The following HSP90AA1 variants were observed in gnomAD, a reference collection of about 807,000 sequenced individuals.
HSP90AA1 encodes heat shock protein 90 alpha family class A member 1, also known as heat shock protein HSP 90-alpha.
HSP90AA1 carries 18 observed loss-of-function variants against 73.3 expected under a neutral mutation model. The observed-to-expected ratio is 0.25, with a 90% CI of 0.17 to 0.36. The LOEUF is 0.36. Ranked by LOEUF, HSP90AA1 falls within the 10% of genes least tolerant of loss-of-function variation. The pLI is 1.00. For missense variants in HSP90AA1, 704 were observed against 874.2 expected (o/e 0.81, Z 2.45); for synonymous variants, 477 against 296.9 (o/e 1.61, Z -6.24).
chr14:102,081,494 AAACC>A lies in HSP90AA1; in HGVS notation c.*214_*217del, dbSNP rs1200061307. 1.7e-6 allele frequency: 1 copy of A among 593,912 alleles called. No individual in the cohort carries two copies. Among genetic ancestry groups the A allele is most frequent in the African/African-American group, 1.9e-5 (1 of 53,742 alleles). The allele number at this position is 593,912 out of a possible 1,614,324, so 36.8% of individuals were successfully genotyped here. ...GCACGTTACCCCAATCTGTGAAAAT[AAACC>A]AACATGAAACTCAAAAAGCATTACT... is the stretch of plus-strand genomic sequence containing the variant. On this transcript the variant is annotated 3_prime_UTR_variant, in exon 11 of 11. Transcript: ENST00000216281.
chr14:102,087,014 G>C lies in HSP90AA1; in HGVS notation c.-29C>G, dbSNP rs1002875871. ...GGCTAAGTGACCGCACAGGACCAAC[G>C]GCACAGCCACACCGGGACGCTGAAG... On this transcript the variant is annotated 5_prime_UTR_variant, in exon 1 of 11. Coordinates refer to ENST00000216281, the MANE Select transcript of HSP90AA1 (RefSeq NM_005348.4). 6 of 985,122 alleles carry C rather than the reference G, an allele frequency of 6.1e-6. No homozygotes were observed. The highest frequency in any genetic ancestry group is 7.2e-6 in the Non-Finnish European group (6 of 830,112). The allele number at this position is 985,122 out of a possible 1,614,324, so 61.0% of individuals were successfully genotyped here. A position where few individuals can be genotyped will look rare whatever the true frequency, so the allele number is the denominator to read the frequency against.
Position 102,138,576 on chromosome 14 carries a change from C to T in HSP90AA1, c.155+674G>A, listed in dbSNP as rs576080041. 1.1e-4 allele frequency among the ~76,000 whole-genome samples: 17 copies of T among 152,118 alleles called. 1 individual carries two copies. The highest frequency in any genetic ancestry group is 1.0e-3 in the Admixed American group (16 of 15,282). ...CAAATGTATTACTACATCATTGGCA[C>T]AGTTTCTATTGGTATCTACTTGCTT... On this transcript the variant is annotated intron_variant, in intron 1 of 11. Coordinates refer to the HSP90AA1 transcript ENST00000334701.
chr14:102,083,970 C>A lies in HSP90AA1; in HGVS notation c.1161G>T (p.Gly387=). 2 of 1,613,678 alleles carry A rather than the reference C, an allele frequency of 1.2e-6. No homozygotes were observed. The highest frequency in any genetic ancestry group is 1.7e-6 in the Non-Finnish European group (2 of 1,179,658). The change falls in exon 7 of 11, where the codon GGG becomes GGT. Residue 387 remains glycine, a synonymous_variant. Coordinates refer to ENST00000216281, the MANE Select transcript of HSP90AA1 (RefSeq NM_005348.4). ...GAGGGAGATCCTCCGAGTCTACCAC[C>A]CCTCTAATGAAGTCTGAAAAAAATA... ...LIPEYLNFIR[G]VVDSEDLPLN...
At chr14:102,131,582 G>A (rs187987305) in intron 1 of HSP90AA1, among the ~76,000 whole-genome samples, 6 of 152,226 alleles carry the variant, frequency 3.9e-5, no homozygotes, top group Non-Finnish European at 8.8e-5. Flanking sequence ...TTCCGCCTCG[G>A]GGTCTCTGCT....
intron 1 of HSP90AA1, among the ~76,000 whole-genome samples, chr14:102,134,809 A>G (rs2049962070): frequency 6.6e-6 from 1 of 152,218 alleles, no homozygotes; most frequent in South Asian, 2.1e-4. Context: ...CAAAGCTTCT[A>G]CAGTGCGGAA....
At chr14:102,137,556 C>T (rs2050022617) in intron 1 of HSP90AA1, among the ~76,000 whole-genome samples, 2 of 152,022 alleles carry the variant, frequency 1.3e-5, no homozygotes, top group South Asian at 4.2e-4. Flanking sequence ...AACTCCTGAC[C>T]TCGTGATCTG....
In HSP90AA1 at chr14:102,133,970, G is replaced by A. The variant is rs564799630; in HGVS notation, c.155+5280C>T. On this transcript the variant is annotated intron_variant, in intron 1 of 11. Coordinates refer to the HSP90AA1 transcript ENST00000334701. ...GTTTGGGACCTGCCTGGCCAACATG[G>A]TGAAACCACATCTCTACTAAAAATA... Among the ~76,000 whole-genome samples the A allele has an allele frequency of 3.9e-5, 6 of 152,022 alleles. No homozygotes were observed. In the South Asian group the frequency reaches 1.3e-3, roughly 32 times the overall value.
In HSP90AA1 at chr14:102,082,178, A is replaced by G. The variant is rs11547513; in HGVS notation, c.2022T>C (p.Ser674=). ...ILLYETALLS[S]GFSLEDPQTH... ...TCTGGGGATCTTCCAGACTGAAGCCAGAAGACAGGAGCGCAGTTTCATAAA... is the reference window on the plus strand; with the variant it reads ...TCTGGGGATCTTCCAGACTGAAGCCGGAAGACAGGAGCGCAGTTTCATAAA... Residue 674 remains serine (S), a synonymous_variant, in exon 10 of 11, where the codon TCT becomes TCC. Coordinates refer to ENST00000216281, the MANE Select transcript of HSP90AA1 (RefSeq NM_005348.4). 1.2e-6 allele frequency: 2 copies of G among 1,613,924 alleles called. No homozygotes were observed. The highest frequency in any genetic ancestry group is 1.7e-6 in the Non-Finnish European group (2 of 1,179,794).
At chr14:102,132,322 G>A (rs769011558) in intron 1 of HSP90AA1, among the ~76,000 whole-genome samples, 47 of 152,000 alleles carry the variant, frequency 3.1e-4, no homozygotes, top group Non-Finnish European at 5.0e-4. Flanking sequence ...AGTGGAGACC[G>A]TACCACTGCA....
Position 102,084,493 on chromosome 14 carries a change from C to T in HSP90AA1, c.1053G>A (p.Leu351=), listed in dbSNP as rs1307598079. 19 of 1,614,098 alleles carry T rather than the reference C, an allele frequency of 1.2e-5. No individual in the cohort carries two copies. The highest frequency in any genetic ancestry group is 2.2e-5 in the East Asian group (1 of 44,884). Residue 351 remains leucine, a synonymous_variant, in exon 6 of 11, where the codon CTG becomes CTA. Coordinates refer to ENST00000216281, the MANE Select transcript of HSP90AA1 (RefSeq NM_005348.4). ...TGTTCTTTTTCTTTCTGTTTTCAAA[C>T]AGATCAAAAGGAGCACGTCGTGGGA... ...LFVPRRAPFD[L]FENRKKKNNI...
rs1016749737 is a variant in HSP90AA1, at chr14:102,087,020, G to A, written c.-35C>T. ...GTGACCGCACAGGACCAACGGCACA[G>A]CCACACCGGGACGCTGAAGCAACTG... On this transcript the variant is annotated 5_prime_UTR_variant, in exon 1 of 11. Coordinates refer to ENST00000216281, the MANE Select transcript of HSP90AA1 (RefSeq NM_005348.4). 2.2e-5 allele frequency: 22 copies of A among 985,212 alleles called. No homozygotes were observed. Among genetic ancestry groups the A allele is most frequent in the South Asian group, 9.4e-5 (2 of 21,284 alleles). 61.0% of individuals were successfully genotyped at this position (985,212 alleles called of 1,614,324 possible). A position where few individuals can be genotyped will look rare whatever the true frequency, so the allele number is the denominator to read the frequency against.
chr14:102,125,618 G>T (rs1033316821), intron 1 of HSP90AA1, among the ~76,000 whole-genome samples: 1 of 152,152 alleles, frequency 6.6e-6, no homozygotes, highest in African/African-American at 2.4e-5. Flanking sequence ...AGAGCTTTCT[G>T]AAAGCATGAG....
At chr14:102,102,254 G>A (rs1004207433) in intron 1 of HSP90AA1, among the ~76,000 whole-genome samples, 16 of 152,172 alleles carry the variant, frequency 1.1e-4, no homozygotes, top group Admixed American at 5.2e-4. Flanking sequence ...CCTGCAGGAA[G>A]TTCAACTTGG....
At chr14:102,103,997 C>A (rs1381938758) in intron 1 of HSP90AA1, among the ~76,000 whole-genome samples, 1 of 149,998 alleles carries the variant, frequency 6.7e-6, no homozygotes, top group Non-Finnish European at 1.5e-5. Flanking sequence ...GTTGAGACTG[C>A]ACCACTGCAC....
chr14:102,085,591 G>A, intron 3 of HSP90AA1, 160 bp from the exon 4 acceptor site: 1 of 1,250,292 alleles, frequency 8.0e-7, no homozygotes, highest in Non-Finnish European at 1.1e-6. Context: ...TCGCCCAAAA[G>A]AACCGCCCAC....
chr14:102,095,497 A>G (rs2049412811), intron 2 of HSP90AA1, among the ~76,000 whole-genome samples: 1 of 152,206 alleles, frequency 6.6e-6, no homozygotes, highest in African/African-American at 2.4e-5. Flanking sequence ...GTAAAGCACA[A>G]AGAACTGACA....
chr14:102,129,656 C>T (rs928186507), intron 1 of HSP90AA1, among the ~76,000 whole-genome samples: 1 of 152,026 alleles, frequency 6.6e-6, no homozygotes, highest in Admixed American at 6.6e-5. Flanking sequence ...GTGCACGCCA[C>T]CATTCCCAGC....
upstream of HSP90AA1, among the ~76,000 whole-genome samples, chr14:102,089,447 C>G (rs1384014131): frequency 6.6e-6 from 1 of 152,186 alleles, no homozygotes; most frequent in East Asian, 1.9e-4. Context: ...AGGTGACATT[C>G]CACAGTTACC....
chr14:102,128,052 C>T (rs1406885882), intron 1 of HSP90AA1, among the ~76,000 whole-genome samples: 3 of 152,208 alleles, frequency 2.0e-5, no homozygotes, highest in Admixed American at 2.0e-4. Flanking sequence ...CTGCTCTCTT[C>T]TTTGCTCAGC....
Sources: allele counts gnomAD v4.1 joint callset (sites outside exome capture counted in the v4.1 genomes callset), GRCh38; gene constraint gnomAD v4.1.1; transcripts MANE v1.5; gene names NCBI Gene and HGNC (gene_info 2026-07-23, HGNC 2026-07-21).